HMCN2: variants seen among roughly 807,000 people sequenced by gnomAD.
HMCN2 encodes hemicentin 2, also known as hemicentin-2.
HMCN2 carries 325 observed loss-of-function variants against 377.5 expected under a neutral mutation model. The observed-to-expected ratio is 0.86, with a 90% CI of 0.79 to 0.94. HMCN2 has a LOEUF of 0.94. Ranked by LOEUF, HMCN2 falls within the 40% of genes least tolerant of loss-of-function variation. The probability of loss-of-function intolerance (pLI) is 0.00; values close to 1 mark genes in which losing one functional copy is unlikely to be tolerated. For synonymous variants in HMCN2, 2,007 were observed against 2,046.8 expected (o/e 0.98, Z 0.53); for missense variants, 4,543 against 4,725.3 (o/e 0.96, Z 1.13).
chr9:130,328,572 C>T (rs1224324732), intron 22 of HMCN2, among the ~76,000 whole-genome samples: 8 of 151,568 alleles, frequency 5.3e-5, no homozygotes, highest in Non-Finnish European at 7.4e-5. Flanking sequence ...CTCTTCACTT[C>T]GTGCTGGCTT....
intron 95 of HMCN2, 126 bp from the exon 96 acceptor site, chr9:130,431,241 G>A (rs1205165016): frequency 3.1e-6 from 3 of 980,806 alleles, no homozygotes; most frequent in Non-Finnish European, 4.5e-6. Context: ...GGAGGGGCAG[G>A]ACAGGGAGAA....
At chr9:130,410,705 C>T (rs542614219) in intron 85 of HMCN2, 53 bp downstream of exon 85, 1,435 of 1,486,510 alleles carry the variant, frequency 9.7e-4, no homozygotes, top group Non-Finnish European at 1.2e-3. Context: ...TCGGGGACAG[C>T]GGTGGCGTGT....
chr9:130,349,249 G>GA, intron 28 of HMCN2, 118 bp downstream of exon 28: 1 of 1,074,960 alleles, frequency 9.3e-7, no homozygotes, highest in Non-Finnish European at 1.2e-6. Flanking sequence ...GGCACAGAGG[G>GA]ACCCATGACA....
At chr9:130,408,518 C>T (rs1448160171) in intron 83 of HMCN2, among the ~76,000 whole-genome samples, 2 of 152,220 alleles carry the variant, frequency 1.3e-5, no homozygotes, top group Non-Finnish European at 2.9e-5. Context: ...TCAAATGCTT[C>T]TCAGCACAGT....
In HMCN2 at chr9:130,424,773, C is replaced by T; in HGVS notation, c.13382-3C>T. 1 of 1,534,900 alleles carries T rather than the reference C, an allele frequency of 6.5e-7. No homozygotes were observed. Among genetic ancestry groups the T allele is most frequent in the Non-Finnish European group, 8.8e-7 (1 of 1,138,924 alleles). On this transcript the variant is annotated splice_region_variant and splice_polypyrimidine_tract_variant and intron_variant, in intron 87 of 97. Coordinates refer to ENST00000683500, the MANE Select transcript of HMCN2 (RefSeq NM_001291815.2). ...CCCGGCCTCTATGCCCTGCCCCACC[C>T]AGGGCCTCTGATGCGGGTGCTCGTG...
intron 22 of HMCN2, among the ~76,000 whole-genome samples, chr9:130,335,164 GC>G (rs1838679692): frequency 6.6e-6 from 1 of 152,190 alleles, no homozygotes; most frequent in African/African-American, 2.4e-5. Flanking sequence ...CCAGTTTCTA[GC>G]CCAGACCTCT....
rs1448229691 is a variant in HMCN2 at position 130,365,640 on chromosome 9, G to A, written c.6418G>A (p.Ala2140Thr). ...CTTTGCTCTCTGCCAGGTGGACAGA[G>A]CCGATGTGTGGGATGCGGGCCATTA... ...ADKALLQVDR[A>T]DVWDAGHYTC... is the part of the protein sequence containing the mutation. Residue 2140 changes from alanine to threonine, a missense_variant, in exon 42 of 98, where the codon GCC becomes ACC. Around this residue, in one of 5 missense-constraint regions of HMCN2, gnomAD observed 1,032 missense variants for 1,285.1 expected, o/e 0.80. Coordinates refer to ENST00000683500, the MANE Select transcript of HMCN2 (RefSeq NM_001291815.2). The A allele has an allele frequency of 2.5e-5, 25 of 985,948 alleles. No individual in the cohort carries two copies. The highest frequency in any genetic ancestry group is 2.4e-5 in the Non-Finnish European group (20 of 830,086). 61.1% of individuals were successfully genotyped at this position (985,948 alleles called of 1,614,324 possible).
chr9:130,388,160 G>A lies in HMCN2; in HGVS notation c.9392-249G>A, dbSNP rs550936092. On this transcript the variant is annotated intron_variant, in intron 61 of 97. Transcript: ENST00000683500. ...GGATCGATTAGTGATGTCTGCCCTG[G>A]CACAGGTTAAGGACTGTGGGTGAGT... 3.5e-4 allele frequency among the ~76,000 whole-genome samples: 54 copies of A among 152,318 alleles called. 2 individuals are homozygous for A. In the South Asian group the frequency reaches 0.011, roughly 31 times the overall value.
chr9:130,339,652 G>T (rs1838945604), intron 23 of HMCN2, among the ~76,000 whole-genome samples: 1 of 152,214 alleles, frequency 6.6e-6, no homozygotes, highest in Admixed American at 6.5e-5. Context: ...CCATCCCATT[G>T]TGGGCATTGA....
chr9:130,358,029 C>T lies in HMCN2; in HGVS notation c.5580+41C>T, dbSNP rs993347454. 4 of 1,287,736 alleles carry T rather than the reference C, an allele frequency of 3.1e-6. No homozygotes were observed. The East Asian group carries it at 2.3e-4, about 73-fold the overall frequency. 79.8% of individuals were successfully genotyped at this position (1,287,736 alleles called of 1,614,324 possible). ...CCAGGGCTGGCAAGCCAGCTGGGCA[C>T]AGGTGGAGGGGCTGCTCTGGGGGCT... On this transcript the variant is annotated intron_variant, in intron 35 of 97. Coordinates refer to ENST00000683500, the MANE Select transcript of HMCN2 (RefSeq NM_001291815.2).
At chr9:130,341,909 C>T (rs905096530) in intron 24 of HMCN2, among the ~76,000 whole-genome samples, 86 of 152,146 alleles carry the variant, frequency 5.7e-4, no homozygotes, top group Middle Eastern at 3.4e-3. Flanking sequence ...AGTGCAGTGG[C>T]TCATGCCTGT....
Position 130,395,284 on chromosome 9 carries a change from G to T in HMCN2, c.10848G>T (p.Glu3616Asp), listed in dbSNP as rs1231840633. Residue 3616 changes from glutamate (E) to aspartate (D), a missense_variant, in exon 71 of 98, where the codon GAG (glutamate) becomes GAT (aspartate). Physicochemically the swap from Glu to Asp is conservative, Grantham distance 45 (BLOSUM62 2). This residue lies in a region of HMCN2 where 1,073 missense variants were observed against 1,319.5 expected (regional missense o/e 0.81). Transcript: ENST00000683500. The part of the protein sequence containing the change: ...VGLAPGQLVL[E>D]CSVEAEPAPK... ...TGGCCCCAGGGCAGCTGGTCCTGGA[G>T]TGTTCGGTGGAGGCAGAGCCAGCGC... 1 of 1,289,640 alleles carries T rather than the reference G, an allele frequency of 7.8e-7. No individual in the cohort carries two copies. The allele number at this position is 1,289,640 out of a possible 1,614,324, so 79.9% of individuals were successfully genotyped here.
rs1842516306 is a variant in HMCN2, at chr9:130,394,730, C to A, written c.10692+155C>A. ...GTGGAGGTGACCCACCTTGGCCGTG[C>A]CCTTGGGAGCTGCCAGCAGGGTCAG... On this transcript the variant is annotated intron_variant, in intron 69 of 97. Coordinates refer to ENST00000683500, the MANE Select transcript of HMCN2 (RefSeq NM_001291815.2). This position sits in a 1 kb window ranked among gnomAD's most constrained non-coding sequence, Gnocchi z 5.1. Among the ~76,000 whole-genome samples, 1 of 152,206 alleles carries A rather than the reference C, an allele frequency of 6.6e-6. No individual in the cohort carries two copies. Among genetic ancestry groups the A allele is most frequent in the Admixed American group, 6.5e-5 (1 of 15,278 alleles).
intron 31 of HMCN2, among the ~76,000 whole-genome samples, chr9:130,354,028 C>G (rs1839886594): frequency 6.6e-6 from 1 of 152,162 alleles, no homozygotes; most frequent in African/African-American, 2.4e-5. Flanking sequence ...GGCCCCGCCG[C>G]TAGCTCAGGG....
At chr9:130,342,012 A>T (rs1311757740) in intron 24 of HMCN2, among the ~76,000 whole-genome samples, 2 of 130,692 alleles carry the variant, frequency 1.5e-5, no homozygotes, top group Non-Finnish European at 3.2e-5. Context: ...CCCATCTCTT[A>T]AAATAAATAA....
intron 80 of HMCN2, among the ~76,000 whole-genome samples, chr9:130,404,651 G>T (rs1023922543): frequency 6.6e-6 from 1 of 152,250 alleles, no homozygotes; most frequent in Admixed American, 6.5e-5. Flanking sequence ...GTGTGTACAC[G>T]TGTGCACAGG....
chr9:130,399,798 C>T (rs906213878), intron 76 of HMCN2, among the ~76,000 whole-genome samples, 166 bp downstream of exon 76: 1 of 152,228 alleles, frequency 6.6e-6, no homozygotes, highest in East Asian at 1.9e-4. Flanking sequence ...ACTGGCATAA[C>T]CCCAGCTCCA....
intron 7 of HMCN2, among the ~76,000 whole-genome samples, chr9:130,298,194 T>A (rs1291704034): frequency 4.6e-5 from 7 of 152,254 alleles, no homozygotes; most frequent in African/African-American, 1.4e-4. Context: ...CCTCAGGTGA[T>A]CTGCCTGCCT....
intron 23 of HMCN2, among the ~76,000 whole-genome samples, chr9:130,340,324 C>T (rs1838978597): frequency 2.0e-5 from 3 of 152,214 alleles, no homozygotes; most frequent in Admixed American, 6.5e-5. Context: ...TTTCATCCCG[C>T]AGGGCGGGAG....
Sources: gnomAD v4.1 joint callset for allele counts (sites outside exome capture counted in the v4.1 genomes callset) on GRCh38, gnomAD v4.1.1 for gene constraint, gnomAD v4.1.1 regional missense constraint, Gnocchi (gnomAD v3.1) non-coding constraint, MANE v1.5 for transcripts, NCBI Gene and HGNC (gene_info 2026-07-23, HGNC 2026-07-21) for gene names.